Variants in A2ML1 observed in about 807,000 individuals in gnomAD.
The protein encoded by A2ML1 is alpha-2-macroglobulin-like protein 1.
In A2ML1, 161 loss-of-function variants were observed where a neutral mutation model predicts 181.9. The ratio of observed to expected loss-of-function variants is 0.89; its 90% CI spans 0.78 to 1.01. The LOEUF (loss-of-function observed/expected upper bound fraction) is 1.01. Ranked by LOEUF, A2ML1 falls within the 50% of genes least tolerant of loss-of-function variation. A2ML1 has a pLI of 0.00. For missense variants in A2ML1, 1,670 were observed against 1,768.1 expected, an observed-to-expected ratio of 0.94 and a Z score of 1.00; for synonymous variants, 663 against 666.8, an observed-to-expected ratio of 0.99 and a Z score of 0.09.
rs761726282 is a variant in A2ML1 at position 8,850,063 on chromosome 12, C to T, written c.2120-97C>T. The stretch of plus-strand genomic sequence containing the variant: ...GCCTCTGACTGGATGTTCTCTGCTT[C>T]CCTCTAAATTTCTTTCTAGTAATCC... On this transcript the variant is annotated intron_variant, in intron 17 of 35. Transcript: ENST00000299698. 61 of 922,130 alleles carry T rather than the reference C, an allele frequency of 6.6e-5. No homozygotes were observed. In the East Asian group the frequency reaches 1.2e-3, roughly 19 times the overall value. 57.1% of individuals were successfully genotyped at this position (922,130 alleles called of 1,614,324 possible). A position where few individuals can be genotyped will look rare whatever the true frequency, so the allele number is the denominator to read the frequency against.
intron 33 of A2ML1, 119 bp from the exon 34 acceptor site, chr12:8,874,306 G>A (rs1304003392): frequency 1.5e-5 from 11 of 721,752 alleles, no homozygotes; most frequent in East Asian, 5.8e-5. Flanking sequence ...ATGAGCCACC[G>A]TGCCTGGCGG....
intron 7 of A2ML1, among the ~76,000 whole-genome samples, chr12:8,886,072 T>G (rs1275772633): frequency 6.6e-6 from 1 of 151,632 alleles, no homozygotes; most frequent in Non-Finnish European, 1.5e-5. Flanking sequence ...TTCTTGATTT[T>G]GGGTAGTATA....
In A2ML1 at chr12:8,837,484, T is replaced by C. The variant is rs746064770; in HGVS notation, c.773T>C (p.Val258Ala). 4 of 1,614,122 alleles carry C rather than the reference T, an allele frequency of 2.5e-6. No homozygotes were observed. In the African/African-American group the frequency reaches 5.3e-5, roughly 22 times the overall value. ...ATGCTAGGGGCAGTGCAGGTATCTG[T>C]GTGTCAGAAGGCAAATACTTACTGG... ...KPMLGAVQVSVCQKANTYWYR... is the reference protein window; with the variant it reads ...KPMLGAVQVSACQKANTYWYR... The change falls in exon 8 of 36, where the codon GTG becomes GCG. Residue 258 changes from valine (V) to alanine (A), a missense_variant. Physicochemically the swap from Val to Ala is moderately conservative, Grantham distance 64. Coordinates refer to ENST00000299698, the MANE Select transcript of A2ML1 (RefSeq NM_144670.6).
At chr12:8,847,488 T>C in intron 14 of A2ML1, 61 bp from the exon 15 acceptor site, 2 of 1,527,250 alleles carry the variant, frequency 1.3e-6, no homozygotes, top group Middle Eastern at 2.2e-4. Context: ...ACCCAAATTA[T>C]GTTGTTTCCC....
chr12:8,886,302 C>T (rs1046384925), intron 7 of A2ML1, among the ~76,000 whole-genome samples: 38 of 151,476 alleles, frequency 2.5e-4, no homozygotes, highest in African/African-American at 8.7e-4. Context: ...TTAAGTCCAT[C>T]CTCAATTTCT....
intron 2 of A2ML1, 117 bp downstream of exon 2, chr12:8,823,482 A>G: frequency 2.4e-6 from 3 of 1,262,234 alleles, no homozygotes; most frequent in Admixed American, 2.5e-5. Context: ...CTCTAAACCT[A>G]TTTTTTCTCA....
In A2ML1 at chr12:8,838,362, A is replaced by G. The variant is rs1292512117; in HGVS notation, c.882A>G (p.Ala294=). Residue 294 remains alanine, a synonymous_variant, in exon 9 of 36, where the codon GCA becomes GCG. Transcript: ENST00000299698. Reference sequence around the variant, plus strand: ...CTGACAAAACAGGATGTTTCTCAGCACCTGTGGACATGGCCACCTTTGACC... The same window carrying G: ...CTGACAAAACAGGATGTTTCTCAGCGCCTGTGGACATGGCCACCTTTGACC... The part of the protein sequence containing the change: ...GQTDKTGCFS[A]PVDMATFDLI... 6.2e-7 allele frequency: 1 copy of G among 1,613,682 alleles called. No homozygotes were observed.
At chr12:8,862,744 A>T (rs1944309243) in intron 28 of A2ML1, among the ~76,000 whole-genome samples, 1 of 152,114 alleles carries the variant, frequency 6.6e-6, no homozygotes, top group Non-Finnish European at 1.5e-5. Context: ...CAATGGGTTA[A>T]ATACACCTGT....
chr12:8,836,392 T>C (rs1943277368), intron 7 of A2ML1, 53 bp downstream of exon 7: 7 of 1,494,438 alleles, frequency 4.7e-6, no homozygotes, highest in Admixed American at 1.7e-5. Context: ...TCGAGAGACA[T>C]GATGAGGGGA....
At position 8,851,966 on chromosome 12, in the gene A2ML1, T is replaced by G; in HGVS notation, c.2417T>G (p.Phe806Cys). 6.2e-7 allele frequency: 1 copy of G among 1,614,182 alleles called. No homozygotes were observed. Among genetic ancestry groups the G allele is most frequent in the Non-Finnish European group, 8.5e-7 (1 of 1,180,022 alleles). ...LPYSVVRGES[F>C]RLTATIFNYL... ...TACTCAGTAGTCCGTGGGGAATCCT[T>G]TCGTCTTACTGCCACCATCTTCAAT... Residue 806 changes from phenylalanine to cysteine, a missense_variant, in exon 19 of 36, where the codon TTT becomes TGT. Transcript: ENST00000299698.
chr12:8,854,689 C>A, intron 21 of A2ML1, 91 bp from the exon 22 acceptor site: 2 of 1,398,428 alleles, frequency 1.4e-6, no homozygotes, highest in Non-Finnish European at 2.0e-6. Context: ...GCCCTGGGGG[C>A]ACAGCGAGGG....
In A2ML1 at chr12:8,843,157, A is replaced by T. The variant is rs761758959; in HGVS notation, c.1272A>T (p.Leu424Phe). ...AGGGAAAGTTTCAAATGGAAGACTT[A>T]GTATATAATCCGGAACAAGTGCCAC... is the stretch of plus-strand genomic sequence containing the variant. ...SLEGKFQMEDLVYNPEQVPRY... is the reference protein window; with the variant it reads ...SLEGKFQMEDFVYNPEQVPRY... Residue 424 changes from leucine (L) to phenylalanine (F), a missense_variant, in exon 12 of 36, where the codon TTA becomes TTT. Transcript: ENST00000299698. 1.9e-6 allele frequency: 3 copies of T among 1,614,074 alleles called. No homozygotes were observed. Among genetic ancestry groups the T allele is most frequent in the African/African-American group, 2.7e-5 (2 of 74,928 alleles).
chr12:8,836,770 A>G (rs925069293), intron 7 of A2ML1, among the ~76,000 whole-genome samples: 2 of 152,106 alleles, frequency 1.3e-5, no homozygotes. Flanking sequence ...GACGTGAGCC[A>G]CCGCGCCCAG....
rs763783506 is a variant in A2ML1, at chr12:8,861,193, A to G, written c.3398A>G (p.Asn1133Ser). 23 of 1,614,038 alleles carry G rather than the reference A, an allele frequency of 1.4e-5. No homozygotes were observed. Among genetic ancestry groups the G allele is most frequent in the South Asian group, 8.8e-5 (8 of 91,078 alleles). ...CLKNSATSTT[N>S]LYTQALLAYI... ...AAGAATTCGGCCACCTCCACGACCA[A>G]CCTCTACACACAGGCCCTGTTGGCT... Residue 1133 changes from asparagine to serine, a missense_variant, in exon 28 of 36, where the codon AAC (asparagine) becomes AGC (serine). Coordinates refer to ENST00000299698, the MANE Select transcript of A2ML1 (RefSeq NM_144670.6).
At chr12:8,872,112 G>C (rs1428502669) in intron 33 of A2ML1, among the ~76,000 whole-genome samples, 1 of 151,576 alleles carries the variant, frequency 6.6e-6, no homozygotes, top group Non-Finnish European at 1.5e-5. Flanking sequence ...CTGGGAGGCA[G>C]AGCTTGCAGT....
At chr12:8,823,466 C>T (rs1049997635) in intron 2 of A2ML1, 101 bp downstream of exon 2, 86 of 1,362,454 alleles carry the variant, frequency 6.3e-5, no homozygotes, top group East Asian at 1.2e-4. Flanking sequence ...TATCTTTTGC[C>T]ACGGCCTCTA....
intron 4 of A2ML1, chr12:8,830,538 T>A (rs191329960): frequency 6.6e-5 from 10 of 152,346 alleles, no homozygotes; most frequent in Admixed American, 5.9e-4. Flanking sequence ...GCTTAAAATG[T>A]AGCAACATTT....
At chr12:8,884,045 C>G (rs1392373508) in intron 7 of A2ML1, among the ~76,000 whole-genome samples, 3 of 152,078 alleles carry the variant, frequency 2.0e-5, no homozygotes, top group Non-Finnish European at 4.4e-5. Context: ...CTTGGCCTCC[C>G]AAAGTGCTGG....
rs766058737 is a variant in A2ML1, at chr12:8,857,389, C to G, written c.3025+49C>G. On this transcript the variant is annotated intron_variant, in intron 24 of 35. Transcript: ENST00000299698. ...CTTGAACACTCTCCTCCACTAGGCC[C>G]TATGACAGATTGATGATACAGGGAA... 3 of 1,587,110 alleles carry G rather than the reference C, an allele frequency of 1.9e-6. No individual in the cohort carries two copies. In the East Asian group the frequency reaches 6.7e-5, roughly 36 times the overall value.
Sources: allele counts gnomAD v4.1 joint callset (sites outside exome capture counted in the v4.1 genomes callset), GRCh38; gene constraint gnomAD v4.1.1; transcripts MANE v1.5; gene names NCBI Gene and HGNC (gene_info 2026-07-23, HGNC 2026-07-21).